PKHD1: variants seen among roughly 807,000 people sequenced by gnomAD.
The protein encoded by PKHD1 is PKHD1 ciliary IPT domain containing fibrocystin/polyductin.
In PKHD1, 291 loss-of-function variants were observed where a neutral mutation model predicts 412.0. The ratio of observed to expected loss-of-function variants is 0.71; its 90% CI spans 0.64 to 0.78. The LOEUF is 0.78. Ranked by LOEUF, PKHD1 falls within the 30% of genes least tolerant of loss-of-function variation. The pLI, the probability that PKHD1 is intolerant of heterozygous loss-of-function variation, is 0.00. For missense variants in PKHD1, 4,825 were observed against 4,950.7 expected, an observed-to-expected ratio of 0.97 and a Z score of 0.76; for synonymous variants, 1,777 against 1,821.5, an observed-to-expected ratio of 0.98 and a Z score of 0.62.
chr6:51,784,890 A>G lies in PKHD1; in HGVS notation c.8440+6346T>C, dbSNP rs1485780942. 3.9e-5 allele frequency among the ~76,000 whole-genome samples: 6 copies of G among 152,202 alleles called. No individual in the cohort carries two copies. In the East Asian group the frequency reaches 1.2e-3, roughly 29 times the overall value. ...TAGTCTGATGTCACATTGACTTGTT[A>G]GAAAGGTCTTTACTATCTAACATAT... On this transcript the variant is annotated intron_variant, in intron 53 of 66. Coordinates refer to ENST00000371117, the MANE Select transcript of PKHD1 (RefSeq NM_138694.4).
chr6:52,068,179 C>T (rs1810040023), intron 11 of PKHD1, among the ~76,000 whole-genome samples: 1 of 152,204 alleles, frequency 6.6e-6, no homozygotes, highest in Non-Finnish European at 1.5e-5. Context: ...TTTAGAGATG[C>T]TTAATTAAGG....
chr6:51,945,391 C>A (rs1789304551), intron 36 of PKHD1, among the ~76,000 whole-genome samples: 1 of 152,138 alleles, frequency 6.6e-6, no homozygotes, highest in African/African-American at 2.4e-5. Context: ...ACTCAGGTCC[C>A]AAATCTCTCC....
intron 60 of PKHD1, chr6:51,682,298 T>C (rs1342598286): frequency 3.1e-5 from 14 of 446,156 alleles, no homozygotes; most frequent in Non-Finnish European, 5.8e-5. Flanking sequence ...AAGTTTTCTT[T>C]ACATAATTTA....
chr6:51,895,611 A>T (rs928178713), intron 43 of PKHD1, among the ~76,000 whole-genome samples: 2 of 152,162 alleles, frequency 1.3e-5, no homozygotes, highest in African/African-American at 4.8e-5. Context: ...AAATTGTGCT[A>T]GTGTCTAAAG....
At chr6:51,919,970 T>G (rs751224466) in intron 37 of PKHD1, among the ~76,000 whole-genome samples, 1 of 152,268 alleles carries the variant, frequency 6.6e-6, no homozygotes, top group Non-Finnish European at 1.5e-5. Flanking sequence ...TTTTGCACAC[T>G]GATTTTGTAT....
At chr6:51,680,085 T>C (rs1776431992) in intron 60 of PKHD1, among the ~76,000 whole-genome samples, 1 of 152,006 alleles carries the variant, frequency 6.6e-6, no homozygotes, top group Admixed American at 6.6e-5. Context: ...TCTGTGCCAA[T>C]TAAATGTATT....
intron 51 of PKHD1, among the ~76,000 whole-genome samples, chr6:51,835,028 C>T (rs929327314): frequency 1.5e-4 from 23 of 152,288 alleles, no homozygotes; most frequent in African/African-American, 5.5e-4. Context: ...CCTGCAAGGT[C>T]TCCACCTTTG....
At chr6:51,971,505 T>C (rs1218270665) in intron 35 of PKHD1, among the ~76,000 whole-genome samples, 1 of 152,100 alleles carries the variant, frequency 6.6e-6, no homozygotes. Flanking sequence ...AAGTAAGACC[T>C]GATGCAGACC....
chr6:51,813,789 T>C (rs570387484), intron 52 of PKHD1, among the ~76,000 whole-genome samples: 49 of 151,294 alleles, frequency 3.2e-4, no homozygotes, highest in African/African-American at 1.1e-3. Flanking sequence ...TTTTCCTCTC[T>C]GGGTGAGGCT....
intron 60 of PKHD1, among the ~76,000 whole-genome samples, chr6:51,687,045 C>T (rs1438581393): frequency 6.6e-6 from 1 of 151,920 alleles, no homozygotes; most frequent in African/African-American, 2.4e-5. Context: ...GCACCAAAAA[C>T]GGGGATGTAA....
At chr6:51,978,649 G>T (rs557176497) in intron 35 of PKHD1, among the ~76,000 whole-genome samples, 31 of 152,260 alleles carry the variant, frequency 2.0e-4, no homozygotes, top group Non-Finnish European at 2.9e-4. Context: ...TTGACATCAG[G>T]TGCTACCAAG....
chr6:51,891,653 A>G (rs1583223763), intron 43 of PKHD1, among the ~76,000 whole-genome samples: 3 of 151,756 alleles, frequency 2.0e-5, no homozygotes, highest in African/African-American at 4.8e-5. Context: ...CGGCACCCCC[A>G]ACAGGAGAAG....
At chr6:51,722,116 T>A in intron 60 of PKHD1, 1 of 1,600,942 alleles carries the variant, frequency 6.2e-7, no homozygotes, top group East Asian at 2.2e-5. Context: ...CCACATTGCA[T>A]CCAAATGAAA....
intron 54 of PKHD1, among the ~76,000 whole-genome samples, chr6:51,774,526 T>A (rs950652900): frequency 6.6e-6 from 1 of 151,928 alleles, no homozygotes; most frequent in East Asian, 1.9e-4. Flanking sequence ...TTAGAAAAAT[T>A]AAAACATTCT....
At chr6:51,938,134 T>TCTG (rs10687078) in intron 36 of PKHD1, among the ~76,000 whole-genome samples, 145,048 of 152,220 alleles carry the variant, frequency 0.95, 69,141 homozygotes, top group East Asian at 1. Context: ...GTGCCAAAAT[T>TCTG]CTAAGATGTT....
intron 60 of PKHD1, among the ~76,000 whole-genome samples, chr6:51,666,326 A>C (rs925948665): frequency 6.6e-6 from 1 of 152,122 alleles, no homozygotes; most frequent in Non-Finnish European, 1.5e-5. Context: ...TACCCAGCTT[A>C]CCTCTGTATC....
rs1811828977 is a variant in PKHD1 at position 52,080,072 on chromosome 6, A to G, written c.282-64T>C. On this transcript the variant is annotated intron_variant, in intron 4 of 66. Coordinates refer to ENST00000371117, the MANE Select transcript of PKHD1 (RefSeq NM_138694.4). ...CATGAATTCCCAAAGCTAGCAGCCCACTTGCCACTTCAAATTTCCTCCTTG... is the reference window on the plus strand; with the variant it reads ...CATGAATTCCCAAAGCTAGCAGCCCGCTTGCCACTTCAAATTTCCTCCTTG... 14 of 927,912 alleles carry G rather than the reference A, an allele frequency of 1.5e-5. No homozygotes were observed. In the South Asian group the frequency reaches 1.6e-4, roughly 10 times the overall value. The allele number at this position is 927,912 out of a possible 1,614,324, so 57.5% of individuals were successfully genotyped here.
At chr6:51,884,215 A>G (rs1777844638) in intron 45 of PKHD1, among the ~76,000 whole-genome samples, 1 of 152,196 alleles carries the variant, frequency 6.6e-6, no homozygotes, top group Non-Finnish European at 1.5e-5. Flanking sequence ...TTAAGGTAGG[A>G]TACAACTTAA....
chr6:52,061,528 G>A (rs1033082357), intron 14 of PKHD1, among the ~76,000 whole-genome samples: 10 of 152,016 alleles, frequency 6.6e-5, no homozygotes, highest in Non-Finnish European at 1.5e-5. Flanking sequence ...AAGGCTTCAG[G>A]AGACACTTTC....
Sources: gnomAD v4.1 joint callset for allele counts (sites outside exome capture counted in the v4.1 genomes callset) on GRCh38, gnomAD v4.1.1 for gene constraint, MANE v1.5 for transcripts, NCBI Gene and HGNC (gene_info 2026-07-23, HGNC 2026-07-21) for gene names.